Variants in ATAD3B observed in about 807,000 individuals in gnomAD.
The protein encoded by ATAD3B is ATPase family AAA domain containing 3B, also known as ATPase family AAA domain-containing protein 3B.
Under a neutral mutation model 70.2 loss-of-function variants are expected in ATAD3B, and 59 were observed. That is an observed-to-expected ratio of 0.84 (90% CI 0.68 to 1.04). ATAD3B has a LOEUF of 1.04. Among genes scored for constraint, ATAD3B ranks in the 50% least tolerant of loss-of-function variants. ATAD3B has a pLI of 0.00. For missense variants in ATAD3B, 961 were observed against 913.4 expected, an observed-to-expected ratio of 1.05 and a Z score of -0.67; for synonymous variants, 423 against 388.6, an observed-to-expected ratio of 1.09 and a Z score of -1.04.
At chr1:1,499,784 G>A (rs933974113), downstream of ATAD3B, among the ~76,000 whole-genome samples, 1 of 150,638 alleles carries the variant, frequency 6.6e-6, no homozygotes, top group African/African-American at 2.4e-5. Flanking sequence ...AGTAGAGATG[G>A]GGTTTCACCA....
At chr1:1,505,274 A>G in the ATAD3B span, among the ~76,000 whole-genome samples, 2 of 152,094 alleles carry the variant, frequency 1.3e-5, no homozygotes, top group East Asian at 1.9e-4. Flanking sequence ...AGGGAGGGAG[A>G]GAGAGAGACA....
the ATAD3B span, among the ~76,000 whole-genome samples, chr1:1,509,001 G>A: frequency 2.0e-5 from 3 of 151,766 alleles, no homozygotes; most frequent in East Asian, 1.9e-4. Context: ...TGCTGAGGAC[G>A]CAGGCAGGGC....
At chr1:1,492,624 A>C (rs1158650702) in intron 15 of ATAD3B, among the ~76,000 whole-genome samples, 1 of 145,088 alleles carries the variant, frequency 6.9e-6, no homozygotes, top group Non-Finnish European at 1.5e-5. Flanking sequence ...CCGAGACCCC[A>C]CCTCTACTAA....
rs1046868625 is a variant in ATAD3B at position 1,471,983 on chromosome 1, G to A, written c.99G>A (p.Gly33=). 22 of 1,242,006 alleles carry A rather than the reference G, an allele frequency of 1.8e-5. No homozygotes were observed. The African/African-American group carries it at 3.1e-4, about 18-fold the overall frequency. 76.9% of individuals were successfully genotyped at this position (1,242,006 alleles called of 1,614,324 possible). A position where few individuals can be genotyped will look rare whatever the true frequency, so the allele number is the denominator to read the frequency against. ...PPAQPGAEGG[G]DRGLGDRPAP... ...CGCAGCCCGGGGCCGAGGGCGGCGGGGACCGCGGTTTGGGAGACCGGCCGG... is the reference window on the plus strand; with the variant it reads ...CGCAGCCCGGGGCCGAGGGCGGCGGAGACCGCGGTTTGGGAGACCGGCCGG... Residue 33 remains glycine (G), a synonymous_variant, in exon 1 of 16, where the codon GGG becomes GGA. Transcript: ENST00000673477.
At chr1:1,477,497 CAG>C (rs1639652720) in intron 2 of ATAD3B, 147 bp downstream of exon 2, 1 of 1,384,242 alleles carries the variant, frequency 7.2e-7, no homozygotes, top group Admixed American at 2.1e-5. Context: ...CCTCATTTCA[CAG>C]AGGGAAACAA....
At chr1:1,489,417 C>A in intron 13 of ATAD3B, 143 bp downstream of exon 13, 1 of 1,429,854 alleles carries the variant, frequency 7.0e-7, no homozygotes, top group Non-Finnish European at 9.5e-7. Flanking sequence ...CTGGGAACGG[C>A]CCAGCTCGGG....
At chr1:1,487,183 CT>C (rs1557809416) in intron 11 of ATAD3B, among the ~76,000 whole-genome samples, 1 of 152,086 alleles carries the variant, frequency 6.6e-6, no homozygotes, top group African/African-American at 2.4e-5. Flanking sequence ...GGCCTTTGAC[CT>C]TTCACTTTAG....
intron 7 of ATAD3B, among the ~76,000 whole-genome samples, chr1:1,483,294 C>T (rs1440205080): frequency 3.3e-5 from 5 of 151,690 alleles, no homozygotes; most frequent in Non-Finnish European, 7.4e-5. Context: ...TGGTGAAACC[C>T]CATCTCTGCT....
At position 1,497,146 on chromosome 1, in the gene ATAD3B, G is replaced by A. The variant is rs1257389289; in HGVS notation, c.*1329G>A. 1 of 152,142 alleles carries A rather than the reference G, an allele frequency of 6.6e-6. No individual in the cohort carries two copies. The highest frequency in any genetic ancestry group is 2.4e-5 in the African/African-American group (1 of 41,374). 9.4% of individuals were successfully genotyped at this position (152,142 alleles called of 1,614,324 possible). A position where few individuals can be genotyped will look rare whatever the true frequency, so the allele number is the denominator to read the frequency against. On this transcript the variant is annotated 3_prime_UTR_variant, in exon 16 of 16. Coordinates refer to ENST00000673477, the MANE Select transcript of ATAD3B (RefSeq NM_031921.6). ...ACCCCTCGGAGCTGCAGTGCTTGGA[G>A]GGGGGCGGTCTACCTCTGCTCGCTC...
intron 1 of ATAD3B, among the ~76,000 whole-genome samples, chr1:1,472,303 T>G (rs1251598494): frequency 1.3e-5 from 2 of 151,778 alleles, no homozygotes; most frequent in Non-Finnish European, 2.9e-5. Context: ...CAGGAGCGGG[T>G]CAGGTGCGAA....
intron 1 of ATAD3B, 70 bp downstream of exon 1, chr1:1,472,159 C>T (rs1639363738): frequency 1.2e-5 from 16 of 1,343,476 alleles, no homozygotes; most frequent in South Asian, 8.7e-5. Flanking sequence ...AGCCCTGGCC[C>T]TTGCCGCTCC....
chr1:1,485,722 G>A, intron 8 of ATAD3B, 60 bp from the exon 9 acceptor site: 2 of 1,606,568 alleles, frequency 1.2e-6, no homozygotes, highest in South Asian at 1.1e-5. Flanking sequence ...TGTGTGCGTT[G>A]GTGGCTGTTC....
chr1:1,493,710 C>T (rs1640645278), intron 15 of ATAD3B, among the ~76,000 whole-genome samples: 1 of 151,876 alleles, frequency 6.6e-6, no homozygotes, highest in South Asian at 2.1e-4. Flanking sequence ...TTTCCTTCCT[C>T]CACTCTGCTA....
At chr1:1,503,223 CAAA>C in the ATAD3B span, 200 of 108,756 alleles carry the variant, frequency 1.8e-3, no homozygotes, top group South Asian at 4.2e-3. Flanking sequence ...GATTCCGTCT[CAAA>C]AAAAAAAAAA....
chr1:1,482,833 A>G (rs1243180691), intron 7 of ATAD3B: 2 of 668,100 alleles, frequency 3.0e-6, no homozygotes, highest in South Asian at 1.8e-5. Context: ...GTGAGACCCC[A>G]TCTCTACGAA....
At chr1:1,473,921 C>A (rs1426008370) in intron 1 of ATAD3B, among the ~76,000 whole-genome samples, 3 of 152,020 alleles carry the variant, frequency 2.0e-5, no homozygotes, top group African/African-American at 7.2e-5. Flanking sequence ...GTGCCCTTCC[C>A]CGGGGTGCTG....
In ATAD3B at chr1:1,480,333, T is replaced by G. The variant is rs547194561; in HGVS notation, c.445-534T>G. On this transcript the variant is annotated intron_variant, in intron 4 of 15. Coordinates refer to ENST00000673477, the MANE Select transcript of ATAD3B (RefSeq NM_031921.6). ...AGCGGCTCTCCAGGCACGACAAGCC[T>G]CCTTGTCTCCCACCCGGGCGCCCAG... Among the ~76,000 whole-genome samples, 6 of 145,584 alleles carry G rather than the reference T, an allele frequency of 4.1e-5. No homozygotes were observed. In the South Asian group the frequency reaches 1.1e-3, roughly 27 times the overall value.
chr1:1,487,235 A>T (rs1262336853), intron 11 of ATAD3B, among the ~76,000 whole-genome samples: 1 of 151,912 alleles, frequency 6.6e-6, no homozygotes, highest in Non-Finnish European at 1.5e-5. Context: ...TCACGGCTGT[A>T]ATCCCAGACT....
At chr1:1,473,962 C>T (rs567356189) in intron 1 of ATAD3B, among the ~76,000 whole-genome samples, 16 of 152,096 alleles carry the variant, frequency 1.1e-4, no homozygotes, top group South Asian at 2.1e-4. Context: ...TTTCTGGCCC[C>T]GGCTGGGTCT....
Sources: gnomAD v4.1 joint callset for allele counts (sites outside exome capture counted in the v4.1 genomes callset) on GRCh38, gnomAD v4.1.1 for gene constraint, MANE v1.5 for transcripts, NCBI Gene and HGNC (gene_info 2026-07-23, HGNC 2026-07-21) for gene names.